The following GFRA1 variants were observed in gnomAD, a reference collection of about 807,000 sequenced individuals.
The protein encoded by GFRA1 is GDNF family receptor alpha-1.
In GFRA1, 16 loss-of-function variants were observed where a neutral mutation model predicts 51.6. That is an observed-to-expected ratio of 0.31 (90% CI 0.21 to 0.47). The LOEUF (loss-of-function observed/expected upper bound fraction) is 0.47, where lower values mean the gene tolerates loss of function less well. Ranked by LOEUF, GFRA1 falls within the 20% of genes least tolerant of loss-of-function variation. GFRA1 has a pLI of 1.00. For missense variants in GFRA1, 530 were observed against 594.3 expected, an observed-to-expected ratio of 0.89 and a Z score of 1.13; for synonymous variants, 270 against 241.3, an observed-to-expected ratio of 1.12 and a Z score of -1.10.
chr10:116,079,408 T>G, intron 9 of GFRA1, among the ~76,000 whole-genome samples: 1 of 152,084 alleles, frequency 6.6e-6, no homozygotes, highest in East Asian at 1.9e-4. Context: ...AGTTTACACT[T>G]ATATCTCCCT....
At chr10:116,168,707 G>A (rs535521014) in intron 5 of GFRA1, among the ~76,000 whole-genome samples, 6 of 152,286 alleles carry the variant, frequency 3.9e-5, no homozygotes, top group African/African-American at 1.2e-4. Flanking sequence ...CCTTCCCACC[G>A]TCTGTCCAGC....
chr10:116,183,028 G>A (rs1962381717), intron 5 of GFRA1, among the ~76,000 whole-genome samples: 3 of 152,226 alleles, frequency 2.0e-5, no homozygotes, highest in African/African-American at 7.2e-5. Flanking sequence ...TGGCTGGACA[G>A]ACACATTTTG....
chr10:116,202,033 G>A (rs145781387), intron 5 of GFRA1, among the ~76,000 whole-genome samples: 3 of 152,134 alleles, frequency 2.0e-5, no homozygotes, highest in East Asian at 1.9e-4. Flanking sequence ...ACAAAACACC[G>A]ATTCCTCCGA....
intron 5 of GFRA1, among the ~76,000 whole-genome samples, chr10:116,146,228 G>A (rs553963819): frequency 7.0e-4 from 106 of 152,180 alleles, no homozygotes; most frequent in African/African-American, 2.4e-3. Flanking sequence ...AGGTTTTGTG[G>A]GGATAGAAGC....
chr10:116,265,239 G>A (rs1469364623), intron 4 of GFRA1, among the ~76,000 whole-genome samples: 1 of 152,164 alleles, frequency 6.6e-6, no homozygotes, highest in Non-Finnish European at 1.5e-5. Context: ...ATGAGCGCCA[G>A]AAGCTGGGAC....
chr10:116,205,600 T>G (rs1461531672), intron 5 of GFRA1, among the ~76,000 whole-genome samples: 1 of 22,664 alleles, frequency 4.4e-5, no homozygotes, highest in Non-Finnish European at 7.2e-5. Flanking sequence ...AAAAAAGATA[T>G]ATATATATAT....
intron 6 of GFRA1, among the ~76,000 whole-genome samples, chr10:116,109,012 G>C (rs1246172885): frequency 6.6e-6 from 1 of 152,186 alleles, no homozygotes; most frequent in Non-Finnish European, 1.5e-5. Context: ...GTGCAGAGGA[G>C]AAACAGCAGC....
intron 6 of GFRA1, among the ~76,000 whole-genome samples, chr10:116,119,190 G>A (rs2133998759): frequency 6.6e-6 from 1 of 152,278 alleles, no homozygotes; most frequent in Admixed American, 6.5e-5. Context: ...CCCTCCCCAT[G>A]GGATGGAGTC....
chr10:116,185,387 A>G (rs74160649), intron 5 of GFRA1, among the ~76,000 whole-genome samples: 3,280 of 152,176 alleles, frequency 0.022, 117 homozygotes, highest in African/African-American at 0.073. Context: ...TTGTGATGCT[A>G]CATAAGACAG....
At position 116,065,572 on chromosome 10, in the gene GFRA1, C is replaced by G. The variant is rs751898797; in HGVS notation, c.1251+1G>C. On this transcript the variant is annotated splice_donor_variant, in intron 10 of 10. Transcript: ENST00000355422. LOFTEE classifies it high-confidence loss of function. ...GAAGCCTCCAAAAGAAACATACTTA[C>G]ATTGGAAATACAGAGGTGTGTATTG... The G allele has an allele frequency of 4.3e-6, 7 of 1,611,420 alleles. No homozygotes were observed. The highest frequency in any genetic ancestry group is 5.9e-6 in the Non-Finnish European group (7 of 1,177,600).
intron 5 of GFRA1, among the ~76,000 whole-genome samples, chr10:116,138,349 C>T (rs1958418328): frequency 6.7e-6 from 1 of 150,116 alleles, no homozygotes; most frequent in African/African-American, 2.5e-5. Flanking sequence ...ACTTGGAATT[C>T]GCTGACTTTC....
intron 5 of GFRA1, among the ~76,000 whole-genome samples, chr10:116,184,470 G>A (rs1962518402): frequency 6.6e-6 from 1 of 152,238 alleles, no homozygotes; most frequent in Admixed American, 6.5e-5. Context: ...TGCTTCCCCA[G>A]TGGAGCAACA....
At position 116,062,142 on chromosome 10, in the gene GFRA1, A is replaced by G. The variant is rs1422709950; in HGVS notation, c.*2256T>C. The G allele has an allele frequency of 2.5e-6, 1 of 398,468 alleles. No homozygotes were observed. The highest frequency in any genetic ancestry group is 4.4e-6 in the Non-Finnish European group (1 of 226,032). The allele number at this position is 398,468 out of a possible 1,614,324, so 24.7% of individuals were successfully genotyped here. A position where few individuals can be genotyped will look rare whatever the true frequency, so the allele number is the denominator to read the frequency against. On this transcript the variant is annotated 3_prime_UTR_variant, in exon 11 of 11. Transcript: ENST00000355422. ...TGAAACTCCCATTTCCGCTTTGGTCATCTGATGCTAATTAGAGCTGCTGTT... is the reference window on the plus strand; with the variant it reads ...TGAAACTCCCATTTCCGCTTTGGTCGTCTGATGCTAATTAGAGCTGCTGTT...
intron 5 of GFRA1, among the ~76,000 whole-genome samples, chr10:116,189,432 A>C (rs571982404): frequency 6.6e-6 from 1 of 152,260 alleles, no homozygotes; most frequent in South Asian, 2.1e-4. Flanking sequence ...AATGTCTTAG[A>C]GAAGTGACAC....
At chr10:116,190,779 C>T (rs1020105196) in intron 5 of GFRA1, among the ~76,000 whole-genome samples, 2 of 152,214 alleles carry the variant, frequency 1.3e-5, no homozygotes, top group African/African-American at 4.8e-5. Context: ...AAACAAAGCC[C>T]TTCCTTTTCT....
At chr10:116,165,578 C>A (rs1034426249) in intron 5 of GFRA1, among the ~76,000 whole-genome samples, 1 of 152,114 alleles carries the variant, frequency 6.6e-6, no homozygotes, top group Admixed American at 6.6e-5. Context: ...AACCTTGGCC[C>A]TCACTGTGTA....
intron 4 of GFRA1, among the ~76,000 whole-genome samples, chr10:116,226,517 G>T (rs1165527219): frequency 1.3e-5 from 2 of 152,156 alleles, no homozygotes; most frequent in Non-Finnish European, 2.9e-5. Context: ...TGTGAGCTCT[G>T]TATGGTTCAG....
chr10:116,087,255 A>C (rs1309355720), intron 9 of GFRA1, among the ~76,000 whole-genome samples: 1 of 115,196 alleles, frequency 8.7e-6, no homozygotes, highest in East Asian at 2.7e-4. Context: ...GGGGAGCCCA[A>C]GTCAGGATTT....
chr10:116,258,791 G>C (rs963278156), intron 4 of GFRA1, among the ~76,000 whole-genome samples: 2 of 152,192 alleles, frequency 1.3e-5, no homozygotes, highest in Non-Finnish European at 2.9e-5. Flanking sequence ...TACTGAACAA[G>C]GCTTAAGCAA....
Sources: allele counts gnomAD v4.1 joint callset (sites outside exome capture counted in the v4.1 genomes callset), GRCh38; gene constraint gnomAD v4.1.1; transcripts MANE v1.5; gene names NCBI Gene and HGNC (gene_info 2026-07-23, HGNC 2026-07-21).